Variants in PCSK6 observed in about 807,000 individuals in gnomAD.
PCSK6 encodes proprotein convertase subtilisin/kexin type 6.
In PCSK6, 85 loss-of-function variants were observed where a neutral mutation model predicts 123.3. The ratio of observed to expected loss-of-function variants is 0.69; its 90% confidence interval spans 0.58 to 0.83. The LOEUF (loss-of-function observed/expected upper bound fraction) is 0.83, where lower values mean the gene tolerates loss of function less well. Among genes scored for constraint, PCSK6 ranks in the 40% least tolerant of loss-of-function variants. The pLI is 0.00. For synonymous variants in PCSK6, 508 were observed against 516.0 expected, an observed-to-expected ratio of 0.98 and a Z score of 0.21; for missense variants, 1,191 against 1,282.3, an observed-to-expected ratio of 0.93 and a Z score of 1.09.
Position 101,485,393 on chromosome 15 carries a change from CT to C in PCSK6, c.297+3980del, listed in dbSNP as rs1041427557. Among the ~76,000 whole-genome samples, 69 of 152,258 alleles carry C rather than the reference CT, an allele frequency of 4.5e-4. 1 individual carries two copies. Among genetic ancestry groups the C allele is most frequent in the Middle Eastern group, 6.8e-3 (2 of 294 alleles). On this transcript the variant is annotated intron_variant, in intron 1 of 21. Transcript: ENST00000611716. ...CCTGGTCTATTCTTGCTTTTTAACT[CT>C]GTTAGGATGCCTTTGTTTACATAGA...
chr15:101,305,206 T>TGGAC lies in PCSK6; in HGVS notation c.*48_*51dup. 6.9e-7 allele frequency: 1 copy of TGGAC among 1,440,344 alleles called. No homozygotes were observed. Among genetic ancestry groups the TGGAC allele is most frequent in the Non-Finnish European group, 9.6e-7 (1 of 1,042,794 alleles). The allele number at this position is 1,440,344 out of a possible 1,614,324, so 89.2% of individuals were successfully genotyped here. The stretch of plus-strand genomic sequence containing the variant: ...CTCTGGCCGACAGTCTGGAGGAAGG[T>TGGAC]GGACGGATGGATGGATGGGAGTGCC... On this transcript the variant is annotated 3_prime_UTR_variant, in exon 22 of 22. Transcript: ENST00000611716. The surrounding 1 kb of genome is among the most constrained non-coding windows in gnomAD (Gnocchi z 4.8).
At chr15:101,421,035 C>T (rs750223508) in intron 6 of PCSK6, among the ~76,000 whole-genome samples, 5 of 152,200 alleles carry the variant, frequency 3.3e-5, no homozygotes, top group Admixed American at 1.3e-4. Flanking sequence ...AAACCTCCAC[C>T]TTACAGGTTC....
At chr15:101,365,574 C>T (rs184504399) in intron 13 of PCSK6, among the ~76,000 whole-genome samples, 1 of 151,960 alleles carries the variant, frequency 6.6e-6, no homozygotes, top group African/African-American at 2.4e-5. Flanking sequence ...CCACGAGAAA[C>T]AAAAACATAG....
chr15:101,307,421 C>T, intron 20 of PCSK6, 96 bp from the exon 21 acceptor site: 1 of 821,260 alleles, frequency 1.2e-6, no homozygotes, highest in Non-Finnish European at 2.0e-6. Flanking sequence ...ACCTCCTTCC[C>T]ACCCCCTCAG....
chr15:101,463,597 C>T (rs567209651), intron 1 of PCSK6, among the ~76,000 whole-genome samples: 2 of 152,170 alleles, frequency 1.3e-5, no homozygotes, highest in Admixed American at 6.5e-5. Context: ...TAAATCCTCA[C>T]GAAGGGAATC....
chr15:101,480,510 C>A (rs1008211225), intron 1 of PCSK6, among the ~76,000 whole-genome samples: 2 of 152,252 alleles, frequency 1.3e-5, no homozygotes, highest in African/African-American at 2.4e-5. Flanking sequence ...TCCCATGGAG[C>A]GTGAGGCTCC....
At chr15:101,459,530 C>T (rs943313845) in intron 1 of PCSK6, among the ~76,000 whole-genome samples, 10 of 145,296 alleles carry the variant, frequency 6.9e-5, no homozygotes, top group African/African-American at 2.3e-4. Context: ...CCTAAGTCCA[C>T]ACCACCAGCT....
intron 11 of PCSK6, among the ~76,000 whole-genome samples, chr15:101,380,579 G>A (rs778499849): frequency 3.9e-5 from 6 of 152,352 alleles, no homozygotes; most frequent in Non-Finnish European, 4.4e-5. Flanking sequence ...GTGTCTGGCC[G>A]ACCTGTCGGG....
At chr15:101,424,037 A>G (rs751708959) in intron 6 of PCSK6, among the ~76,000 whole-genome samples, 22 of 152,188 alleles carry the variant, frequency 1.4e-4, no homozygotes, top group Admixed American at 3.9e-4. Flanking sequence ...AGCCTGGGCA[A>G]CACAGCAGTA....
At chr15:101,455,071 G>C (rs1027443502) in intron 1 of PCSK6, among the ~76,000 whole-genome samples, 3 of 152,180 alleles carry the variant, frequency 2.0e-5, no homozygotes, top group African/African-American at 7.2e-5. Context: ...GCATAACAAC[G>C]TGAAAATACT....
intron 9 of PCSK6, among the ~76,000 whole-genome samples, chr15:101,388,753 G>C (rs979430125): frequency 3.3e-5 from 5 of 152,134 alleles, no homozygotes; most frequent in African/African-American, 9.7e-5. Context: ...TCTACAAACG[G>C]GTGAACCTTA....
Position 101,331,824 on chromosome 15 carries a change from C to T in PCSK6, c.2038+28G>A, listed in dbSNP as rs368912698. 5.7e-5 allele frequency: 91 copies of T among 1,610,024 alleles called. No homozygotes were observed. The African/African-American group carries it at 1.1e-3, about 19-fold the overall frequency. On this transcript the variant is annotated intron_variant, in intron 14 of 21. Coordinates refer to ENST00000611716, the MANE Select transcript of PCSK6 (RefSeq NM_002570.5). ...GACAATCAAAGCTCGTGGAAGCTGG[C>T]CGTCTCCTCTTACTTCAGGCTCATT... is the stretch of plus-strand genomic sequence containing the variant.
chr15:101,341,443 G>T (rs182079978), intron 13 of PCSK6, among the ~76,000 whole-genome samples: 1 of 151,812 alleles, frequency 6.6e-6, no homozygotes, highest in East Asian at 1.9e-4. Flanking sequence ...TGTATTTTTA[G>T]TAGAGATGAG....
chr15:101,365,370 C>G (rs560328034), intron 13 of PCSK6, among the ~76,000 whole-genome samples: 21 of 152,318 alleles, frequency 1.4e-4, no homozygotes, highest in African/African-American at 5.1e-4. Context: ...TTCACACCTA[C>G]TAGAACGCTT....
At chr15:101,322,721 A>G in intron 17 of PCSK6, 114 bp from the exon 18 acceptor site, 2 of 684,752 alleles carry the variant, frequency 2.9e-6, no homozygotes, top group Non-Finnish European at 5.3e-6. Flanking sequence ...CTGTTCCCCG[A>G]GTCCACCTCC....
At chr15:101,460,453 C>A (rs2057315710) in intron 1 of PCSK6, among the ~76,000 whole-genome samples, 1 of 152,220 alleles carries the variant, frequency 6.6e-6, no homozygotes, top group Non-Finnish European at 1.5e-5. Flanking sequence ...CATAAGCTCC[C>A]TGATTCCAGG....
At chr15:101,397,611 C>T (rs148698347) in intron 7 of PCSK6, among the ~76,000 whole-genome samples, 3 of 152,280 alleles carry the variant, frequency 2.0e-5, no homozygotes, top group Admixed American at 6.5e-5. Flanking sequence ...TGGGCTGGGA[C>T]CTGTTCGGCC....
At chr15:101,396,118 G>A (rs1168260461) in intron 7 of PCSK6, among the ~76,000 whole-genome samples, 1 of 152,034 alleles carries the variant, frequency 6.6e-6, no homozygotes, top group East Asian at 1.9e-4. Flanking sequence ...GCGATTTAAG[G>A]TTCTCTGTAT....
At chr15:101,407,037 C>T (rs577509423) in intron 6 of PCSK6, among the ~76,000 whole-genome samples, 1 of 152,108 alleles carries the variant, frequency 6.6e-6, no homozygotes, top group African/African-American at 2.4e-5. Flanking sequence ...GACACAGGTG[C>T]GCAGCTCTCT....
Sources: allele counts gnomAD v4.1 joint callset (sites outside exome capture counted in the v4.1 genomes callset), GRCh38; gene constraint gnomAD v4.1.1; non-coding constraint Gnocchi (gnomAD v3.1); transcripts MANE v1.5; gene names NCBI Gene and HGNC (gene_info 2026-07-23, HGNC 2026-07-21).